Variants in DEUP1 observed in about 807,000 individuals in gnomAD.
The protein encoded by DEUP1 is deuterosome assembly protein 1.
In DEUP1, 82 loss-of-function variants were observed where a neutral mutation model predicts 87.4. The ratio of observed to expected loss-of-function variants is 0.94; its 90% CI spans 0.78 to 1.13. The LOEUF (loss-of-function observed/expected upper bound fraction) is 1.13. Among genes scored for constraint, DEUP1 ranks in the 50% most tolerant of loss-of-function variants. DEUP1 has a pLI of 0.00. For missense variants in DEUP1, 663 were observed against 681.5 expected (o/e 0.97, Z 0.30); for synonymous variants, 214 against 222.7 (o/e 0.96, Z 0.35).
At chr11:93,333,791 A>T (rs762437187) in intron 2 of DEUP1, among the ~76,000 whole-genome samples, 1 of 152,228 alleles carries the variant, frequency 6.6e-6, no homozygotes, top group East Asian at 1.9e-4. Context: ...CCTACATTGG[A>T]AATGGATGGC....
In DEUP1 at chr11:93,394,562, T is replaced by C. The variant is rs1946874764; in HGVS notation, c.1145T>C (p.Ile382Thr). 3.1e-6 allele frequency: 5 copies of C among 1,613,112 alleles called. No homozygotes were observed. The highest frequency in any genetic ancestry group is 3.3e-4 in the Middle Eastern group (2 of 6,060). The change falls in exon 10 of 14, where the codon ATC becomes ACC. Residue 382 changes from isoleucine (I) to threonine (T), a missense_variant. Physicochemically the swap from Ile to Thr is moderately conservative, Grantham distance 89. Coordinates refer to ENST00000298050, the MANE Select transcript of DEUP1 (RefSeq NM_181645.4). Reference protein sequence around the residue: ...DLTEELHQKEITIATVTKKAA... With the variant: ...DLTEELHQKETTIATVTKKAA... Reference sequence around the variant, plus strand: ...ACAGAAGAGCTTCATCAGAAGGAGATCACTATAGCAACTGTCACAAAGAAA... The same window carrying C: ...ACAGAAGAGCTTCATCAGAAGGAGACCACTATAGCAACTGTCACAAAGAAA...
intron 2 of DEUP1, among the ~76,000 whole-genome samples, chr11:93,346,122 C>T (rs115096713): frequency 0.025 from 3,817 of 152,222 alleles, 77 homozygotes; most frequent in South Asian, 0.072. Context: ...AGTTTTTCCC[C>T]ATTGCTTGTT....
chr11:93,364,093 G>C (rs1945302077), intron 4 of DEUP1, 67 bp from the exon 5 acceptor site: 1 of 1,179,870 alleles, frequency 8.5e-7, no homozygotes, highest in Admixed American at 2.4e-5. Flanking sequence ...CAGGAAAAGA[G>C]ATATAGTGAA....
intron 5 of DEUP1, among the ~76,000 whole-genome samples, chr11:93,364,902 T>C (rs1446186119): frequency 6.6e-6 from 1 of 152,116 alleles, no homozygotes; most frequent in Non-Finnish European, 1.5e-5. Flanking sequence ...CTTATCTTCT[T>C]CGTTTTCCAA....
intron 2 of DEUP1, chr11:93,352,317 C>A: frequency 1.4e-6 from 1 of 702,082 alleles, no homozygotes; most frequent in Non-Finnish European, 2.6e-6. Flanking sequence ...AAGTGTAAGA[C>A]CTCAATAACT....
At chr11:93,355,150 A>T (rs1449356570) in intron 2 of DEUP1, among the ~76,000 whole-genome samples, 2 of 152,206 alleles carry the variant, frequency 1.3e-5, no homozygotes, top group African/African-American at 4.8e-5. Flanking sequence ...AGCCTACTCT[A>T]AACAATGTTA....
chr11:93,415,178 G>A (rs1034659343), intron 13 of DEUP1, 64 bp downstream of exon 13: 1 of 932,824 alleles, frequency 1.1e-6, no homozygotes, highest in South Asian at 1.5e-5. Context: ...TTACACTGAT[G>A]TCAATAAACT....
chr11:93,349,137 A>G (rs897452364), intron 2 of DEUP1, among the ~76,000 whole-genome samples: 6 of 152,028 alleles, frequency 3.9e-5, no homozygotes, highest in African/African-American at 1.2e-4. Flanking sequence ...AAATCTCTCT[A>G]TTCACAGGCA....
intron 13 of DEUP1, among the ~76,000 whole-genome samples, chr11:93,434,482 C>T (rs1316141121): frequency 2.6e-5 from 4 of 152,178 alleles, no homozygotes; most frequent in African/African-American, 7.2e-5. Context: ...TTCCTCACTG[C>T]CTCTGTTATG....
chr11:93,343,187 C>T (rs1319869046), intron 2 of DEUP1, among the ~76,000 whole-genome samples: 1 of 152,206 alleles, frequency 6.6e-6, no homozygotes, highest in Non-Finnish European at 1.5e-5. Context: ...TTAATTAAAA[C>T]GTTGTCTAGA....
chr11:93,407,085 T>A (rs2658771), intron 11 of DEUP1, among the ~76,000 whole-genome samples: 67,744 of 151,640 alleles, frequency 0.45, 15,837 homozygotes, highest in Admixed American at 0.6. Flanking sequence ...TGGACATTTT[T>A]AAATCAAGGT....
intron 11 of DEUP1, among the ~76,000 whole-genome samples, chr11:93,404,114 C>T (rs915420857): frequency 6.6e-6 from 1 of 151,964 alleles, no homozygotes; most frequent in African/African-American, 2.4e-5. Flanking sequence ...CAGGCAGCCA[C>T]CCAGTTCTAG....
intron 5 of DEUP1, among the ~76,000 whole-genome samples, chr11:93,366,736 T>C (rs892241348): frequency 7.9e-5 from 12 of 152,322 alleles, no homozygotes; most frequent in Middle Eastern, 3.4e-3. Flanking sequence ...TTATAAGAAG[T>C]TGAGGTTAAT....
chr11:93,357,351 AC>A lies in DEUP1; in HGVS notation c.297+309del, dbSNP rs1944947663. On this transcript the variant is annotated intron_variant, in intron 4 of 13. Transcript: ENST00000298050. ...ATAATTCTGTGAGCAACAACAAAAA[AC>A]AATTATTTTTTGTGGTTATTACTAT... The A allele has an allele frequency of 3.7e-5, 7 of 190,384 alleles. No homozygotes were observed. The South Asian group carries it at 8.6e-4, about 23-fold the overall frequency. The allele number at this position is 190,384 out of a possible 1,614,324, so 11.8% of individuals were successfully genotyped here. A position where few individuals can be genotyped will look rare whatever the true frequency, so the allele number is the denominator to read the frequency against.
chr11:93,432,687 T>C (rs1266969895), intron 13 of DEUP1, among the ~76,000 whole-genome samples: 2 of 152,086 alleles, frequency 1.3e-5, no homozygotes, highest in Non-Finnish European at 2.9e-5. Context: ...AGGGACAAGT[T>C]GCTGAATGGT....
intron 4 of DEUP1, among the ~76,000 whole-genome samples, chr11:93,360,952 G>A (rs890038689): frequency 2.1e-5 from 3 of 145,004 alleles, no homozygotes; most frequent in African/African-American, 7.6e-5. Flanking sequence ...AAAGCTGAGT[G>A]AACTTCAAAC....
intron 11 of DEUP1, among the ~76,000 whole-genome samples, chr11:93,407,688 A>G (rs142840591): frequency 1.1e-4 from 16 of 152,156 alleles, no homozygotes; most frequent in Non-Finnish European, 2.2e-4. Context: ...GTGCCCATAT[A>G]TTAATACATG....
chr11:93,410,577 T>A (rs1248986655), intron 12 of DEUP1, among the ~76,000 whole-genome samples: 1 of 152,166 alleles, frequency 6.6e-6, no homozygotes, highest in Non-Finnish European at 1.5e-5. Context: ...CTATAAAGGG[T>A]CACCTGCGTA....
intron 7 of DEUP1, among the ~76,000 whole-genome samples, chr11:93,385,146 C>T (rs75956165): frequency 0.015 from 2,253 of 152,188 alleles, 21 homozygotes; most frequent in East Asian, 0.059. Flanking sequence ...TGGTTGAACC[C>T]GGGAGGCAGT....
Sources: allele counts gnomAD v4.1 joint callset (sites outside exome capture counted in the v4.1 genomes callset), GRCh38; gene constraint gnomAD v4.1.1; transcripts MANE v1.5; gene names NCBI Gene and HGNC (gene_info 2026-07-23, HGNC 2026-07-21).